The following FBXO15 variants were observed in gnomAD, a reference collection of about 807,000 sequenced individuals.
FBXO15 encodes F-box only protein 15.
FBXO15 carries 30 observed loss-of-function variants against 49.5 expected under a neutral mutation model. The observed-to-expected ratio is 0.61, with a 90% CI of 0.45 to 0.82. The LOEUF is 0.82. Among genes scored for constraint, FBXO15 ranks in the 40% least tolerant of loss-of-function variants. FBXO15 has a pLI of 0.00. For missense variants in FBXO15, 591 were observed against 631.5 expected, an observed-to-expected ratio of 0.94 and a Z score of 0.69; for synonymous variants, 250 against 232.7, an observed-to-expected ratio of 1.07 and a Z score of -0.68.
At chr18:74,083,289 G>A (rs912692677) in intron 8 of FBXO15, among the ~76,000 whole-genome samples, 5 of 152,166 alleles carry the variant, frequency 3.3e-5, no homozygotes, top group Non-Finnish European at 5.9e-5. Context: ...CAAATGACAC[G>A]GACCCTTCCC....
chr18:74,127,762 G>A (rs1348731011), intron 5 of FBXO15, among the ~76,000 whole-genome samples: 1 of 152,150 alleles, frequency 6.6e-6, no homozygotes, highest in East Asian at 1.9e-4. Context: ...TCTAGCATTG[G>A]GCACTATGTA....
chr18:74,134,912 G>T (rs183938400), intron 3 of FBXO15, among the ~76,000 whole-genome samples: 8 of 152,168 alleles, frequency 5.3e-5, no homozygotes, highest in African/African-American at 1.9e-4. Flanking sequence ...GTTAAAACCG[G>T]CATTCCCTCT....
chr18:74,123,641 T>TG, intron 7 of FBXO15, 131 bp from the exon 8 acceptor site: 1 of 979,540 alleles, frequency 1.0e-6, no homozygotes, highest in East Asian at 2.7e-5. Context: ...CTCCATAGGA[T>TG]TCCCTATAAT....
chr18:74,077,084 G>A (rs925845545), intron 9 of FBXO15, among the ~76,000 whole-genome samples: 1 of 152,168 alleles, frequency 6.6e-6, no homozygotes, highest in Admixed American at 6.5e-5. Flanking sequence ...AAACTGACTC[G>A]GCCCGGCCAG....
At chr18:74,133,601 A>G (rs1292598313) in intron 3 of FBXO15, among the ~76,000 whole-genome samples, 3 of 152,164 alleles carry the variant, frequency 2.0e-5, no homozygotes, top group Admixed American at 2.0e-4. Context: ...TTGTGTTGCT[A>G]CAAAGGAATA....
chr18:74,124,046 T>C (rs370825265), intron 7 of FBXO15, among the ~76,000 whole-genome samples: 2 of 149,038 alleles, frequency 1.3e-5, no homozygotes, highest in Admixed American at 6.7e-5. Context: ...GGGTGAGAGC[T>C]GTAGTGAAAT....
At position 74,103,508 on chromosome 18, in the gene FBXO15, G is replaced by A. The variant is rs73474877; in HGVS notation, c.1138+19860C>T. On this transcript the variant is annotated intron_variant, in intron 8 of 9. Transcript: ENST00000419743. ...CCAAAACTTGAGAAAGATATATCCA[G>A]GTACAAGAATACTAGACAACACCAA... 8.4e-3 allele frequency among the ~76,000 whole-genome samples: 1,279 copies of A among 151,880 alleles called. 16 individuals carry two copies. Among genetic ancestry groups the A allele is most frequent in the African/African-American group, 0.027 (1,102 of 41,360 alleles).
Position 74,073,625 on chromosome 18 carries a change from A to C in FBXO15, c.1369T>G (p.Ser457Ala). ...TTGTATGTCTGTCCCAAGAAGCTAG[A>C]GCTGTCAGAGGGTGTGGCAGGCGAT... ...LRSPATPSDS[S>A]SFLGQTYNVD... The change falls in exon 10 of 10, where the codon TCT (serine) becomes GCT (alanine). Residue 457 changes from serine to alanine, a missense_variant. Physicochemically the swap from Ser to Ala is moderately conservative, Grantham distance 99. Coordinates refer to ENST00000419743, the MANE Select transcript of FBXO15 (RefSeq NM_001142958.2). The C allele has an allele frequency of 2.5e-6, 4 of 1,614,196 alleles. No homozygotes were observed. Among genetic ancestry groups the C allele is most frequent in the Non-Finnish European group, 3.4e-6 (4 of 1,180,040 alleles).
chr18:74,123,658 T>C (rs1350476429), intron 7 of FBXO15, 148 bp from the exon 8 acceptor site: 3 of 864,754 alleles, frequency 3.5e-6, no homozygotes, highest in South Asian at 1.9e-5. Flanking sequence ...TAATCTTCAA[T>C]ACTGTGAACT....
chr18:74,136,059 A>G (rs551057852), intron 2 of FBXO15, among the ~76,000 whole-genome samples, 193 bp from the exon 3 acceptor site: 1 of 152,332 alleles, frequency 6.6e-6, no homozygotes, highest in African/African-American at 2.4e-5. Context: ...TCTAATTCTC[A>G]TGACATAAAC....
chr18:74,100,877 A>G (rs1913487298), intron 8 of FBXO15, among the ~76,000 whole-genome samples: 1 of 152,174 alleles, frequency 6.6e-6, no homozygotes, highest in African/African-American at 2.4e-5. Flanking sequence ...GATACTCTGA[A>G]CAGACCAGTA....
At chr18:74,135,228 C>T (rs1034706153) in intron 3 of FBXO15, among the ~76,000 whole-genome samples, 1 of 152,234 alleles carries the variant, frequency 6.6e-6, no homozygotes, top group African/African-American at 2.4e-5. Context: ...AAGCGTACAA[C>T]CTCTAGGAGA....
intron 8 of FBXO15, among the ~76,000 whole-genome samples, chr18:74,095,242 T>C (rs954177610): frequency 3.9e-5 from 6 of 152,244 alleles, no homozygotes. Flanking sequence ...GGAGTGGCAC[T>C]TTAATTTCCT....
At chr18:74,082,415 A>G (rs1180312799) in intron 8 of FBXO15, among the ~76,000 whole-genome samples, 1 of 152,258 alleles carries the variant, frequency 6.6e-6, no homozygotes, top group Non-Finnish European at 1.5e-5. Context: ...AGAATTACAC[A>G]GCTGAAGAAA....
At chr18:74,140,924 A>G (rs936767827) in intron 1 of FBXO15, among the ~76,000 whole-genome samples, 1 of 152,232 alleles carries the variant, frequency 6.6e-6, no homozygotes, top group Non-Finnish European at 1.5e-5. Context: ...CTGTCAACAT[A>G]AAACACAATC....
intron 8 of FBXO15, among the ~76,000 whole-genome samples, chr18:74,104,342 C>T (rs1038438485): frequency 6.6e-6 from 1 of 151,568 alleles, no homozygotes; most frequent in South Asian, 2.1e-4. Flanking sequence ...GATAATATAA[C>T]AACAAAAAAA....
chr18:74,138,768 C>T (rs1568182458), intron 2 of FBXO15, among the ~76,000 whole-genome samples: 1 of 152,150 alleles, frequency 6.6e-6, no homozygotes, highest in African/African-American at 2.4e-5. Context: ...TCAACAGCAC[C>T]TCAACCTGTG....
At chr18:74,134,366 A>ATTTTTT (rs34748425) in intron 3 of FBXO15, among the ~76,000 whole-genome samples, 1 of 119,262 alleles carries the variant, frequency 8.4e-6, no homozygotes, top group South Asian at 2.7e-4. Context: ...GACCTGGAGA[A>ATTTTTT]TTTTTTTTTT....
At chr18:74,144,050 G>A (rs1020291138) in intron 1 of FBXO15, among the ~76,000 whole-genome samples, 2 of 152,178 alleles carry the variant, frequency 1.3e-5, no homozygotes, top group Non-Finnish European at 1.5e-5. Flanking sequence ...AATAAATATC[G>A]CTGAATCACT....
Sources: gnomAD v4.1 joint callset for allele counts (sites outside exome capture counted in the v4.1 genomes callset) on GRCh38, gnomAD v4.1.1 for gene constraint, MANE v1.5 for transcripts, NCBI Gene and HGNC (gene_info 2026-07-23, HGNC 2026-07-21) for gene names.